Variants in PPM1H observed in about 807,000 individuals in gnomAD.
PPM1H encodes protein phosphatase 1H.
PPM1H carries 27 observed loss-of-function variants against 54.9 expected under a neutral mutation model. The observed-to-expected ratio is 0.49, with a 90% confidence interval of 0.36 to 0.68. The LOEUF (loss-of-function observed/expected upper bound fraction) is 0.68. PPM1H is among the 30% of genes least tolerant of loss of function. PPM1H has a pLI of 0.00. For synonymous variants in PPM1H, 305 were observed against 270.8 expected, an observed-to-expected ratio of 1.13 and a Z score of -1.24; for missense variants, 596 against 667.8, an observed-to-expected ratio of 0.89 and a Z score of 1.19.
intron 4 of PPM1H, among the ~76,000 whole-genome samples, chr12:62,743,695 G>T (rs1456174111): frequency 1.3e-5 from 2 of 151,054 alleles, no homozygotes; most frequent in Non-Finnish European, 2.9e-5. Flanking sequence ...TGTGCCAACA[G>T]GTATTTAACA....
Position 62,644,361 on chromosome 12 carries a change from A to C in PPM1H, c.*4128T>G, listed in dbSNP as rs1010025960. ...GAGTAAAATAATAACCTCAGGACTCAGGAAACAAACACAAAATACTTGTGG... is the reference window on the plus strand; with the variant it reads ...GAGTAAAATAATAACCTCAGGACTCCGGAAACAAACACAAAATACTTGTGG... On this transcript the variant is annotated 3_prime_UTR_variant, in exon 10 of 10. Coordinates refer to ENST00000228705, the MANE Select transcript of PPM1H (RefSeq NM_020700.2). 2 of 152,236 alleles carry C rather than the reference A, an allele frequency of 1.3e-5. No individual in the cohort carries two copies. The highest frequency in any genetic ancestry group is 2.9e-5 in the Non-Finnish European group (2 of 68,036). The allele number at this position is 152,236 out of a possible 1,614,324, so 9.4% of individuals were successfully genotyped here. A position where few individuals can be genotyped will look rare whatever the true frequency, so the allele number is the denominator to read the frequency against.
At chr12:62,679,142 G>A (rs530721964) in intron 8 of PPM1H, among the ~76,000 whole-genome samples, 72 of 151,256 alleles carry the variant, frequency 4.8e-4, no homozygotes, top group African/African-American at 1.6e-3. Flanking sequence ...ACATGCCACC[G>A]TGCCCAGCTA....
rs183493383 is a variant in PPM1H, at chr12:62,801,023, C to T, written c.756+793G>A. On this transcript the variant is annotated intron_variant, in intron 3 of 9. Transcript: ENST00000228705. The stretch of plus-strand genomic sequence containing the variant: ...AGACTAAGACTTCTTGGATATTGGC[C>T]CCTGGCTCTGTTCTCCTCCAGCACT... Among the ~76,000 whole-genome samples the T allele has an allele frequency of 4.0e-4, 61 of 152,292 alleles. No individual in the cohort carries two copies. The East Asian group carries it at 0.011, about 27-fold the overall frequency.
chr12:62,667,407 C>G (rs2075925651), intron 8 of PPM1H, 78 bp from the exon 9 acceptor site: 2 of 1,293,460 alleles, frequency 1.5e-6, no homozygotes, highest in South Asian at 3.0e-5. Context: ...TTCTGATTCC[C>G]CTTCCCTTTT....
chr12:62,663,112 G>A (rs758832751), intron 9 of PPM1H, among the ~76,000 whole-genome samples: 2 of 151,942 alleles, frequency 1.3e-5, no homozygotes, highest in East Asian at 3.9e-4. Flanking sequence ...TTGTTTACCC[G>A]TCCCACCACT....
At chr12:62,835,033 T>A (rs1274809798) in intron 1 of PPM1H, among the ~76,000 whole-genome samples, 1 of 152,158 alleles carries the variant, frequency 6.6e-6, no homozygotes, top group African/African-American at 2.4e-5. Context: ...TTTCCAGAAC[T>A]TGGCATCACT....
At position 62,917,468 on chromosome 12, in the gene PPM1H, T is replaced by G. The variant is rs3930150; in HGVS notation, c.245+17024A>C. ...ACCCTAATTAGATATCTACATACCTTACAAATTATAATTTGGCTGTAACAG... is the reference window on the plus strand; with the variant it reads ...ACCCTAATTAGATATCTACATACCTGACAAATTATAATTTGGCTGTAACAG... On this transcript the variant is annotated intron_variant, in intron 1 of 9. Coordinates refer to ENST00000228705, the MANE Select transcript of PPM1H (RefSeq NM_020700.2). Among the ~76,000 whole-genome samples the G allele has an allele frequency of 2.7e-3, 412 of 152,308 alleles. 2 individuals carry two copies. The highest frequency in any genetic ancestry group is 4.6e-3 in the Non-Finnish European group (310 of 68,028).
At chr12:62,872,358 A>T (rs1220696917) in intron 1 of PPM1H, among the ~76,000 whole-genome samples, 1 of 152,224 alleles carries the variant, frequency 6.6e-6, no homozygotes, top group East Asian at 1.9e-4. Flanking sequence ...CAAAAGAACA[A>T]GACAGGATGT....
At chr12:62,680,813 AC>A (rs1302161769) in intron 8 of PPM1H, among the ~76,000 whole-genome samples, 1 of 152,182 alleles carries the variant, frequency 6.6e-6, no homozygotes, top group African/African-American at 2.4e-5. Flanking sequence ...TTGTTTTGTA[AC>A]CAAAAAAGGC....
At position 62,867,564 on chromosome 12, in the gene PPM1H, A is replaced by ATTTTTTTTTTT. The variant is rs34772338; in HGVS notation, c.246-35296_246-35286dup. Among the ~76,000 whole-genome samples the ATTTTTTTTTTT allele has an allele frequency of 1.5e-3, 82 of 55,372 alleles. 10 individuals are homozygous for ATTTTTTTTTTT. Among genetic ancestry groups the ATTTTTTTTTTT allele is most frequent in the African/African-American group, 4.3e-3 (67 of 15,612 alleles). The allele number at this position is 55,372 out of a possible 152,430, so 36.3% of individuals were successfully genotyped here. On this transcript the variant is annotated intron_variant, in intron 1 of 9. Transcript: ENST00000228705. The stretch of plus-strand genomic sequence containing the variant: ...TCCTGAAATACATCTTATGAGCACT[A>ATTTTTTTTTTT]TTTTTTTTTTTTTTTTTTTTTTTTT...
chr12:62,793,900 C>A (rs562368747), intron 3 of PPM1H, among the ~76,000 whole-genome samples: 6 of 152,214 alleles, frequency 3.9e-5, no homozygotes, highest in African/African-American at 1.4e-4. Context: ...TTGTTTCCTA[C>A]CAATTTCAGG....
At chr12:62,927,692 AAG>A (rs1872016749) in intron 1 of PPM1H, among the ~76,000 whole-genome samples, 1 of 151,814 alleles carries the variant, frequency 6.6e-6, no homozygotes, top group Non-Finnish European at 1.5e-5. Context: ...AAAAAGAAAA[AAG>A]AAAATAATAT....
chr12:62,720,052 A>T, intron 6 of PPM1H, 119 bp downstream of exon 6: 2 of 867,126 alleles, frequency 2.3e-6, no homozygotes, highest in Non-Finnish European at 3.7e-6. Context: ...GTCTTTTACC[A>T]CAAACCCTGG....
chr12:62,683,629 G>A (rs2076035592), intron 8 of PPM1H, among the ~76,000 whole-genome samples: 1 of 152,166 alleles, frequency 6.6e-6, no homozygotes, highest in Non-Finnish European at 1.5e-5. Flanking sequence ...ACCAAGGAAA[G>A]GAAAAATGAA....
intron 9 of PPM1H, among the ~76,000 whole-genome samples, chr12:62,655,670 G>A (rs566025542): frequency 5.9e-5 from 9 of 152,172 alleles, no homozygotes; most frequent in Non-Finnish European, 1.2e-4. Context: ...CAGCCAATGG[G>A]TAGTGGATTC....
intron 1 of PPM1H, among the ~76,000 whole-genome samples, chr12:62,911,361 C>T (rs541071727): frequency 1.8e-4 from 27 of 152,314 alleles, no homozygotes; most frequent in African/African-American, 6.5e-4. Context: ...TTTACTTTAA[C>T]ACATTTTTAA....
chr12:62,817,461 C>CA (rs201526974), intron 2 of PPM1H, among the ~76,000 whole-genome samples: 9,105 of 134,684 alleles, frequency 0.068, 805 homozygotes, highest in African/African-American at 0.22. Flanking sequence ...GACCCTGTCT[C>CA]AAAAAAAAAC....
intron 2 of PPM1H, among the ~76,000 whole-genome samples, chr12:62,816,227 A>G (rs1339137067): frequency 3.9e-5 from 6 of 152,226 alleles, no homozygotes; most frequent in Non-Finnish European, 8.8e-5. Flanking sequence ...CAAGATCTAC[A>G]CTTTCTAGCT....
At chr12:62,735,516 C>G (rs1038361651) in intron 5 of PPM1H, among the ~76,000 whole-genome samples, 1 of 152,186 alleles carries the variant, frequency 6.6e-6, no homozygotes, top group Non-Finnish European at 1.5e-5. Flanking sequence ...CCGTGCCCAG[C>G]CTGTTTTTAA....
Sources: allele counts gnomAD v4.1 joint callset (sites outside exome capture counted in the v4.1 genomes callset), GRCh38; gene constraint gnomAD v4.1.1; transcripts MANE v1.5; gene names NCBI Gene and HGNC (gene_info 2026-07-23, HGNC 2026-07-21).